Variants in DTNA observed in about 807,000 individuals in gnomAD.
DTNA encodes dystrobrevin alpha, also known as dystrophin-related protein 3.
Under a neutral mutation model 100.7 loss-of-function variants are expected in DTNA, and 43 were observed. The ratio of observed to expected loss-of-function variants is 0.43; its 90% CI spans 0.33 to 0.55. The LOEUF (loss-of-function observed/expected upper bound fraction) is 0.55. DTNA is among the 20% of genes least tolerant of loss of function. The pLI, the probability that DTNA is intolerant of heterozygous loss-of-function variation, is 0.04. For missense variants in DTNA, 798 were observed against 953.9 expected (o/e 0.84, Z 2.15); for synonymous variants, 349 against 347.9 (o/e 1.00, Z -0.04).
intron 18 of DTNA, among the ~76,000 whole-genome samples, chr18:34,876,894 T>A (rs973177619): frequency 2.0e-5 from 3 of 152,260 alleles, no homozygotes; most frequent in Non-Finnish European, 4.4e-5. Context: ...TAAATCAATT[T>A]GTGATTTCCA....
chr18:34,540,299 T>C (rs978453196), intron 1 of DTNA, among the ~76,000 whole-genome samples: 2 of 152,000 alleles, frequency 1.3e-5, no homozygotes, highest in African/African-American at 2.4e-5. Context: ...AAGGAAAGAA[T>C]AGAACACAAG....
At chr18:34,622,383 A>G (rs894284350) in intron 1 of DTNA, among the ~76,000 whole-genome samples, 4 of 152,244 alleles carry the variant, frequency 2.6e-5, no homozygotes, top group African/African-American at 9.6e-5. Flanking sequence ...ATTGTTATCC[A>G]TAGACCACAC....
intron 1 of DTNA, among the ~76,000 whole-genome samples, chr18:34,696,003 G>A (rs183940028): frequency 1.3e-5 from 2 of 152,244 alleles, no homozygotes; most frequent in East Asian, 3.9e-4. Flanking sequence ...GAGAAAAATA[G>A]TTAGAATAAG....
intron 1 of DTNA, among the ~76,000 whole-genome samples, chr18:34,505,917 T>C (rs2040443142): frequency 6.6e-6 from 1 of 152,220 alleles, no homozygotes; most frequent in African/African-American, 2.4e-5. Context: ...AACTTGGCCA[T>C]TTTCTTATAT....
Position 34,867,460 on chromosome 18 carries a change from A to C in DTNA, c.1743+3398A>C, listed in dbSNP as rs1467081720. On this transcript the variant is annotated intron_variant, in intron 17 of 22. Coordinates refer to ENST00000444659, the MANE Select transcript of DTNA (RefSeq NM_001386795.1). ...TGTATAATTGCCCATGAATGCATAC[A>C]TGGGGTATTGCTATTGTATTTCCAA... 2.5e-6 allele frequency: 3 copies of C among 1,221,924 alleles called. No individual in the cohort carries two copies. The African/African-American group carries it at 4.7e-5, about 19-fold the overall frequency. 75.7% of individuals were successfully genotyped at this position (1,221,924 alleles called of 1,614,324 possible).
intron 17 of DTNA, chr18:34,868,839 T>G (rs985404073): frequency 4.5e-6 from 4 of 883,118 alleles, no homozygotes; most frequent in Non-Finnish European, 5.4e-6. Flanking sequence ...CTCTTTCTTC[T>G]TTGTGTATCT....
chr18:34,506,341 T>C (rs2040488910), intron 1 of DTNA, among the ~76,000 whole-genome samples: 1 of 150,062 alleles, frequency 6.7e-6, no homozygotes, highest in South Asian at 2.1e-4. Context: ...ATAGTGGGGG[T>C]GAGGAATAGG....
chr18:34,675,541 T>C (rs1006132596), intron 1 of DTNA, among the ~76,000 whole-genome samples: 1 of 152,078 alleles, frequency 6.6e-6, no homozygotes, highest in Non-Finnish European at 1.5e-5. Flanking sequence ...AGAAAGGAAA[T>C]TGAACCAAAT....
At chr18:34,851,302 A>G (rs2096474056) in intron 14 of DTNA, among the ~76,000 whole-genome samples, 1 of 152,096 alleles carries the variant, frequency 6.6e-6, no homozygotes, top group Non-Finnish European at 1.5e-5. Flanking sequence ...GGATTTCCCC[A>G]TGTTGGCCAG....
intron 1 of DTNA, among the ~76,000 whole-genome samples, chr18:34,502,727 T>G (rs1203009406): frequency 6.6e-6 from 1 of 152,242 alleles, no homozygotes; most frequent in Admixed American, 6.5e-5. Context: ...GAACACATGC[T>G]GTATGATTTC....
At chr18:34,494,482 G>A (rs984082049) in intron 1 of DTNA, among the ~76,000 whole-genome samples, 2 of 152,138 alleles carry the variant, frequency 1.3e-5, no homozygotes, top group African/African-American at 2.4e-5. Context: ...TCTGGTATCC[G>A]GAGTGGGAGT....
intron 1 of DTNA, among the ~76,000 whole-genome samples, chr18:34,586,600 A>G (rs2049162563): frequency 6.6e-6 from 1 of 152,184 alleles, no homozygotes; most frequent in African/African-American, 2.4e-5. Context: ...GTTATTACAC[A>G]AAACAGAATT....
intron 1 of DTNA, among the ~76,000 whole-genome samples, chr18:34,545,336 T>C (rs1156921621): frequency 6.6e-6 from 1 of 152,026 alleles, no homozygotes; most frequent in Non-Finnish European, 1.5e-5. Flanking sequence ...TTGCAGTCAG[T>C]GGGGGACAAG....
rs189242593 is a variant in DTNA at position 34,721,990 on chromosome 18, G to A, written c.-2+11545G>A. 7.1e-3 allele frequency among the ~76,000 whole-genome samples: 1,085 copies of A among 152,218 alleles called. 7 individuals carry two copies. Among genetic ancestry groups the A allele is most frequent in the African/African-American group, 0.024 (1,012 of 41,526 alleles). On this transcript the variant is annotated intron_variant, in intron 1 of 22. Coordinates refer to ENST00000444659, the MANE Select transcript of DTNA (RefSeq NM_001386795.1). ...GGTTTTCCGGTTTGGCTAAAGTGAA[G>A]CTCCTTACTTCAGCTAGTATTGCAG...
chr18:34,651,357 AC>A (rs2060421471), intron 1 of DTNA, among the ~76,000 whole-genome samples: 1 of 150,714 alleles, frequency 6.6e-6, no homozygotes. Flanking sequence ...GACATGGTAA[AC>A]ACTCAATAAA....
chr18:34,563,901 C>T (rs2046856251), intron 1 of DTNA, among the ~76,000 whole-genome samples: 1 of 152,178 alleles, frequency 6.6e-6, no homozygotes, highest in East Asian at 1.9e-4. Flanking sequence ...CCAGTTCATT[C>T]TATCCTTACA....
rs1454515678 is a variant in DTNA at position 34,838,853 on chromosome 18, G to T, written c.1346+16G>T. On this transcript the variant is annotated intron_variant, in intron 13 of 22. Transcript: ENST00000444659. The stretch of plus-strand genomic sequence containing the variant: ...ACCCCTCATGGTTAGTGCAGGTTTG[G>T]CTGCTTGACTGTCCTTAGAGAGGGA... 3 of 1,610,420 alleles carry T rather than the reference G, an allele frequency of 1.9e-6. No homozygotes were observed. Among genetic ancestry groups the T allele is most frequent in the Middle Eastern group, 1.7e-4 (1 of 6,050 alleles).
chr18:34,658,977 G>A (rs1295063606), intron 1 of DTNA, among the ~76,000 whole-genome samples: 1 of 152,182 alleles, frequency 6.6e-6, no homozygotes, highest in Non-Finnish European at 1.5e-5. Flanking sequence ...GGAGTATGTT[G>A]CACTGTTCTT....
chr18:34,553,299 G>C (rs947976483), intron 1 of DTNA, among the ~76,000 whole-genome samples: 2 of 151,576 alleles, frequency 1.3e-5, no homozygotes, highest in African/African-American at 4.9e-5. Context: ...AGATGAGTAG[G>C]TTGCGAAAAT....
Sources: gnomAD v4.1 joint callset for allele counts (sites outside exome capture counted in the v4.1 genomes callset) on GRCh38, gnomAD v4.1.1 for gene constraint, MANE v1.5 for transcripts, NCBI Gene and HGNC (gene_info 2026-07-23, HGNC 2026-07-21) for gene names.